The following ARHGAP22 variants were observed in gnomAD, a reference collection of about 807,000 sequenced individuals.
The protein encoded by ARHGAP22 is Rho GTPase activating protein 22.
A neutral mutation model predicts 59.1 loss-of-function variants in ARHGAP22; 48 were observed. That is an observed-to-expected ratio of 0.81 (90% CI 0.64 to 1.03). The LOEUF is 1.03. ARHGAP22 is among the 50% of genes least tolerant of loss of function. The probability of loss-of-function intolerance (pLI) is 0.00; values close to 1 mark genes in which losing one functional copy is unlikely to be tolerated. For synonymous variants in ARHGAP22, 445 were observed against 416.4 expected (o/e 1.07, Z -0.84); for missense variants, 1,015 against 958.7 (o/e 1.06, Z -0.78).
At chr10:48,473,449 A>C (rs1363803781) in intron 4 of ARHGAP22, among the ~76,000 whole-genome samples, 1 of 151,624 alleles carries the variant, frequency 6.6e-6, no homozygotes, top group African/African-American at 2.4e-5. Context: ...TACACTGTAC[A>C]CTGCTTTCTT....
intron 4 of ARHGAP22, among the ~76,000 whole-genome samples, chr10:48,472,065 G>A (rs1016466745): frequency 6.6e-6 from 1 of 151,904 alleles, no homozygotes; most frequent in African/African-American, 2.4e-5. Flanking sequence ...AAATTCACTG[G>A]GTGCGGTGGC....
chr10:48,448,226 G>A (rs1039529386), intron 9 of ARHGAP22, among the ~76,000 whole-genome samples: 4 of 152,204 alleles, frequency 2.6e-5, no homozygotes, highest in Non-Finnish European at 5.9e-5. Flanking sequence ...CACTACAGGG[G>A]TCTTGGGGTC....
rs1409857985 is a variant in ARHGAP22, at chr10:48,451,160, A to G, written c.989-20T>C. On this transcript the variant is annotated intron_variant, in intron 8 of 9. Coordinates refer to ENST00000249601, the MANE Select transcript of ARHGAP22 (RefSeq NM_021226.4). ...AAGTGCCTGCCGGGAAGAGAGGCGG[A>G]GAAGGGCCTTGCTGCCAGCCACTCG... The G allele has an allele frequency of 3.2e-6, 5 of 1,550,730 alleles. No individual in the cohort carries two copies. The Admixed American group carries it at 9.8e-5, about 30-fold the overall frequency.
At position 48,596,310 on chromosome 10, in the gene ARHGAP22, G is replaced by A. The variant is rs567013433; in HGVS notation, c.34+8453C>T. On this transcript the variant is annotated intron_variant, in intron 1 of 9. Transcript: ENST00000249601. ...TGTGAGAGCCACTGCATATGGAGACGCAAGACACACACCTGCCCTGGCAGA... is the reference window on the plus strand; with the variant it reads ...TGTGAGAGCCACTGCATATGGAGACACAAGACACACACCTGCCCTGGCAGA... 9.2e-5 allele frequency among the ~76,000 whole-genome samples: 14 copies of A among 151,994 alleles called. No individual in the cohort carries two copies. The East Asian group carries it at 2.2e-3, about 24-fold the overall frequency.
At chr10:48,543,488 T>C (rs931386898) in intron 3 of ARHGAP22, among the ~76,000 whole-genome samples, 4 of 152,166 alleles carry the variant, frequency 2.6e-5, no homozygotes, top group African/African-American at 7.2e-5. Context: ...ACATGTCCTG[T>C]ATTTAAAAAA....
chr10:48,587,334 A>G (rs1471916806), intron 1 of ARHGAP22, among the ~76,000 whole-genome samples: 1 of 152,210 alleles, frequency 6.6e-6, no homozygotes, highest in Non-Finnish European at 1.5e-5. Flanking sequence ...GCTCGAGAGG[A>G]GTCTGGCAGG....
chr10:48,431,138 T>C, the ARHGAP22 span: 1 of 1,107,452 alleles, frequency 9.0e-7, no homozygotes, highest in Non-Finnish European at 1.4e-6. Flanking sequence ...ATACATGCGT[T>C]GTGAGATTGG....
chr10:48,468,098 T>A (rs2047894416), intron 4 of ARHGAP22, among the ~76,000 whole-genome samples: 1 of 152,204 alleles, frequency 6.6e-6, no homozygotes. Flanking sequence ...AAGTTTTCAA[T>A]ACAGAAAGGA....
At chr10:48,464,461 G>C (rs2133860454) in intron 4 of ARHGAP22, among the ~76,000 whole-genome samples, 1 of 152,366 alleles carries the variant, frequency 6.6e-6, no homozygotes, top group Admixed American at 6.5e-5. Flanking sequence ...ACAGGTTCAG[G>C]GAGGAGGTGA....
At position 48,568,838 on chromosome 10, in the gene ARHGAP22, G is replaced by A. The variant is rs558774568; in HGVS notation, c.235-13288C>T. ...CCTGGGTTGGCAGCACTGAACCACCGGCCTGCTCTTCCATGCCATGGTCCC... is the reference window on the plus strand; with the variant it reads ...CCTGGGTTGGCAGCACTGAACCACCAGCCTGCTCTTCCATGCCATGGTCCC... On this transcript the variant is annotated intron_variant, in intron 2 of 9. Transcript: ENST00000249601. Among the ~76,000 whole-genome samples the A allele has an allele frequency of 7.2e-5, 11 of 152,278 alleles. No individual in the cohort carries two copies. The East Asian group carries it at 9.6e-4, about 13-fold the overall frequency.
At chr10:48,582,167 G>A (rs559566756) in intron 2 of ARHGAP22, among the ~76,000 whole-genome samples, 18 of 152,322 alleles carry the variant, frequency 1.2e-4, no homozygotes, top group South Asian at 2.1e-4. Context: ...GCAAGATTCC[G>A]TGACCTGTGA....
chr10:48,574,912 T>A (rs2058614919), intron 2 of ARHGAP22: 1 of 152,204 alleles, frequency 6.6e-6, no homozygotes, highest in Non-Finnish European at 1.5e-5. Flanking sequence ...ATGGTTTGGC[T>A]CTGTGTCTCC....
intron 8 of ARHGAP22, among the ~76,000 whole-genome samples, chr10:48,452,834 A>C (rs548925467): frequency 6.6e-6 from 1 of 152,148 alleles, no homozygotes; most frequent in African/African-American, 2.4e-5. Flanking sequence ...ACTTGGTAGA[A>C]GCTTACTGAA....
intron 8 of ARHGAP22, 123 bp from the exon 9 acceptor site, chr10:48,451,263 C>G (rs1284272209): frequency 1.5e-6 from 2 of 1,333,886 alleles, no homozygotes; most frequent in Non-Finnish European, 2.1e-6. Context: ...CAGGCCGCCC[C>G]TCAAGGGAGC....
chr10:48,572,891 AC>A (rs2135504306), intron 2 of ARHGAP22, among the ~76,000 whole-genome samples: 1 of 152,312 alleles, frequency 6.6e-6, no homozygotes, highest in African/African-American at 2.4e-5. Flanking sequence ...TCAAATAGTC[AC>A]AAAGACAGCT....
intron 3 of ARHGAP22, among the ~76,000 whole-genome samples, chr10:48,480,970 G>T (rs1221131006): frequency 6.6e-6 from 1 of 152,234 alleles, no homozygotes; most frequent in Non-Finnish European, 1.5e-5. Flanking sequence ...CTGGCTGAGG[G>T]CACCACAGCG....
At chr10:48,590,563 G>A (rs150785598) in intron 1 of ARHGAP22, among the ~76,000 whole-genome samples, 6 of 152,244 alleles carry the variant, frequency 3.9e-5, no homozygotes, top group Non-Finnish European at 8.8e-5. Flanking sequence ...TTCTGACAAC[G>A]TCCCCATCCC....
intron 4 of ARHGAP22, among the ~76,000 whole-genome samples, chr10:48,470,521 G>C (rs1001131796): frequency 1.3e-5 from 2 of 152,192 alleles, no homozygotes; most frequent in Non-Finnish European, 2.9e-5. Flanking sequence ...GGAGGCCCAA[G>C]TGTGCTCTGA....
At chr10:48,574,817 T>C (rs2058609922) in intron 2 of ARHGAP22, 1 of 152,222 alleles carries the variant, frequency 6.6e-6, no homozygotes, top group African/African-American at 2.4e-5. Context: ...CTTGGCCTGA[T>C]GTCAGTCCTT....
Sources: gnomAD v4.1 joint callset for allele counts (sites outside exome capture counted in the v4.1 genomes callset) on GRCh38, gnomAD v4.1.1 for gene constraint, MANE v1.5 for transcripts, NCBI Gene and HGNC (gene_info 2026-07-23, HGNC 2026-07-21) for gene names.